KATNIP: variants seen among roughly 807,000 people sequenced by gnomAD.
The protein encoded by KATNIP is katanin-interacting protein.
KATNIP carries 126 observed loss-of-function variants against 174.0 expected under a neutral mutation model. That is an observed-to-expected ratio of 0.72 (90% CI 0.63 to 0.84). The LOEUF is 0.84. Ranked by LOEUF, KATNIP falls within the 40% of genes least tolerant of loss-of-function variation. The pLI is 0.00. For missense variants in KATNIP, 1,958 were observed against 2,109.7 expected (o/e 0.93, Z 1.41); for synonymous variants, 810 against 835.7 (o/e 0.97, Z 0.53).
At chr16:27,722,368 A>G (rs1259525944) in intron 14 of KATNIP, 1 of 152,248 alleles carries the variant, frequency 6.6e-6, no homozygotes, top group Non-Finnish European at 1.5e-5. Context: ...ATCAATTGAG[A>G]TAACTTGCTA....
intron 5 of KATNIP, among the ~76,000 whole-genome samples, chr16:27,643,553 T>C (rs556407712): frequency 1.7e-5 from 2 of 116,862 alleles, no homozygotes; most frequent in African/African-American, 6.6e-5. Flanking sequence ...ATCACCCCGC[T>C]GCACTCCAGG....
intron 8 of KATNIP, among the ~76,000 whole-genome samples, chr16:27,685,869 A>G (rs1475884542): frequency 6.6e-6 from 1 of 152,228 alleles, no homozygotes; most frequent in African/African-American, 2.4e-5. Context: ...AAGGAAGTAA[A>G]AAGTGCAGGA....
intron 18 of KATNIP, 149 bp downstream of exon 18, chr16:27,754,400 GAAAC>G: frequency 3.0e-6 from 2 of 662,546 alleles, no homozygotes; most frequent in Non-Finnish European, 2.6e-6. Flanking sequence ...AGTGGAGGCT[GAAAC>G]CAGCCTGCGC....
intron 2 of KATNIP, among the ~76,000 whole-genome samples, chr16:27,599,552 A>G (rs999898052): frequency 6.6e-6 from 1 of 152,124 alleles, no homozygotes; most frequent in African/African-American, 2.4e-5. Context: ...TCATCCTTAT[A>G]GACCCTCTCC....
intron 2 of KATNIP, among the ~76,000 whole-genome samples, chr16:27,582,643 C>T (rs563813204): frequency 3.9e-5 from 6 of 152,216 alleles, no homozygotes; most frequent in Admixed American, 1.3e-4. Context: ...AACCAAACAG[C>T]GTGGATTCCT....
At chr16:27,717,369 C>T (rs989333445) in intron 13 of KATNIP, among the ~76,000 whole-genome samples, 8 of 152,116 alleles carry the variant, frequency 5.3e-5, no homozygotes, top group African/African-American at 1.9e-4. Flanking sequence ...AAAAAGCCAC[C>T]TTTGGTTTAG....
Position 27,777,803 on chromosome 16 carries a change from C to CCAG in KATNIP, c.4712+35_4712+37dup. 6.2e-7 allele frequency: 1 copy of CCAG among 1,612,786 alleles called. No homozygotes were observed. The highest frequency in any genetic ancestry group is 8.5e-7 in the Non-Finnish European group (1 of 1,178,992). On this transcript the variant is annotated intron_variant, in intron 26 of 27. Coordinates refer to ENST00000261588, the MANE Select transcript of KATNIP (RefSeq NM_015202.5). This position sits in a 1 kb window ranked among gnomAD's most constrained non-coding sequence, Gnocchi z 4.4. The stretch of plus-strand genomic sequence containing the variant: ...CCCAGCCGGCCCCATGGCCTCCCCA[C>CCAG]CAGCCCTAAGGAGGATGGATGGCTG...
At chr16:27,770,635 T>A (rs1018236308) in intron 21 of KATNIP, among the ~76,000 whole-genome samples, 2 of 152,184 alleles carry the variant, frequency 1.3e-5, no homozygotes, top group African/African-American at 4.8e-5. Context: ...AGAACCAGGC[T>A]AGGGCTGGAG....
Position 27,738,422 on chromosome 16 carries a change from G to T in KATNIP, c.1744-1619G>T, listed in dbSNP as rs114935421. 2.9e-3 allele frequency among the ~76,000 whole-genome samples: 435 copies of T among 152,276 alleles called. 5 individuals are homozygous for T. The highest frequency in any genetic ancestry group is 9.4e-3 in the African/African-American group (389 of 41,538). ...ACCCGTTAAATATGCACAGTTTATT[G>T]TATGGGGTGTGTATTCTATTCCCCG... is the stretch of plus-strand genomic sequence containing the variant. On this transcript the variant is annotated intron_variant, in intron 14 of 27. Transcript: ENST00000261588.
chr16:27,639,250 T>G (rs566035879), intron 5 of KATNIP, among the ~76,000 whole-genome samples: 1 of 152,024 alleles, frequency 6.6e-6, no homozygotes, highest in South Asian at 2.1e-4. Context: ...TTCCTGGGGG[T>G]TTGGGGAGGA....
intron 18 of KATNIP, among the ~76,000 whole-genome samples, chr16:27,758,573 G>A (rs9934589): frequency 0.084 from 12,821 of 152,106 alleles, 1,061 homozygotes; most frequent in African/African-American, 0.21. Context: ...CAGGCTTCTC[G>A]ATATGATCTA....
In KATNIP at chr16:27,708,933, G is replaced by T; in HGVS notation, c.1605+13G>T. 1 of 1,595,814 alleles carries T rather than the reference G, an allele frequency of 6.3e-7. No individual in the cohort carries two copies. Among genetic ancestry groups the T allele is most frequent in the Non-Finnish European group, 8.6e-7 (1 of 1,165,724 alleles). ...CAGGAACTTAGCTGTGAGTGGAAGG[G>T]GCACTGGATTGCTTCTTGGCTGTGT... On this transcript the variant is annotated intron_variant, in intron 13 of 27. Coordinates refer to ENST00000261588, the MANE Select transcript of KATNIP (RefSeq NM_015202.5).
chr16:27,580,173 C>T (rs563308301), intron 2 of KATNIP, among the ~76,000 whole-genome samples: 3 of 152,176 alleles, frequency 2.0e-5, no homozygotes, highest in East Asian at 1.9e-4. Context: ...AGTGCAGTGG[C>T]GCTGTATCAG....
Position 27,773,093 on chromosome 16 carries a change from T to C in KATNIP, c.4199-6T>C. The C allele has an allele frequency of 6.4e-7, 1 of 1,564,496 alleles. No individual in the cohort carries two copies. The highest frequency in any genetic ancestry group is 1.1e-5 in the South Asian group (1 of 87,240). On this transcript the variant is annotated splice_region_variant and splice_polypyrimidine_tract_variant and intron_variant, in intron 22 of 27. Coordinates refer to ENST00000261588, the MANE Select transcript of KATNIP (RefSeq NM_015202.5). ...AAGCCTTCTTTTCCTTAATAAAGTG[T>C]CCCAGTCATTTTCCAGTTTCAGCTT...
intron 8 of KATNIP, among the ~76,000 whole-genome samples, chr16:27,696,731 CTTTT>C (rs796886653): frequency 7.1e-6 from 1 of 140,646 alleles, no homozygotes. Flanking sequence ...CATTTTTTTT[CTTTT>C]TTTTTTTTTT....
At chr16:27,642,807 C>T (rs1040676622) in intron 5 of KATNIP, among the ~76,000 whole-genome samples, 7 of 149,002 alleles carry the variant, frequency 4.7e-5, no homozygotes, top group African/African-American at 1.7e-4. Context: ...AAGGTCTCAC[C>T]GTGTTGCCTA....
intron 2 of KATNIP, among the ~76,000 whole-genome samples, chr16:27,593,611 A>G (rs2075250399): frequency 6.6e-6 from 1 of 152,006 alleles, no homozygotes; most frequent in South Asian, 2.1e-4. Flanking sequence ...AACTCACTGC[A>G]GCCTCGACCT....
chr16:27,773,485 C>T (rs1044520406), intron 23 of KATNIP, among the ~76,000 whole-genome samples: 58 of 152,134 alleles, frequency 3.8e-4, no homozygotes, highest in African/African-American at 1.4e-3. Flanking sequence ...GCCCCCTTCT[C>T]GGAGAACCAC....
chr16:27,553,885 T>C (rs2089497333), intron 1 of KATNIP, among the ~76,000 whole-genome samples: 1 of 150,498 alleles, frequency 6.6e-6, no homozygotes, highest in South Asian at 2.1e-4. Context: ...GCTTAGGAGG[T>C]TGAGGCTACA....
Sources: allele counts gnomAD v4.1 joint callset (sites outside exome capture counted in the v4.1 genomes callset), GRCh38; gene constraint gnomAD v4.1.1; non-coding constraint Gnocchi (gnomAD v3.1); transcripts MANE v1.5; gene names NCBI Gene and HGNC (gene_info 2026-07-23, HGNC 2026-07-21).